Variants in FANCA observed in about 807,000 individuals in gnomAD.
FANCA encodes the protein Fanconi anemia group A protein.
Under a neutral mutation model 194.3 loss-of-function variants are expected in FANCA, and 236 were observed. The observed-to-expected ratio is 1.21, with a 90% CI of 1.09 to 1.35. The LOEUF is 1.35. Ranked by LOEUF, FANCA falls within the 40% of genes most tolerant of loss-of-function variation. The pLI, the probability that FANCA is intolerant of heterozygous loss-of-function variation, is 0.00. For missense variants in FANCA, 2,628 were observed against 1,813.9 expected, an observed-to-expected ratio of 1.45 and a Z score of -8.15; for synonymous variants, 1,014 against 715.8, an observed-to-expected ratio of 1.42 and a Z score of -6.65.
At chr16:89,771,414 G>T (rs941522937) in intron 23 of FANCA, among the ~76,000 whole-genome samples, 1 of 150,878 alleles carries the variant, frequency 6.6e-6, no homozygotes, top group Non-Finnish European at 1.5e-5. Context: ...AGCCATGATT[G>T]CACCACTGCA....
intron 26 of FANCA, among the ~76,000 whole-genome samples, chr16:89,769,066 C>G (rs1479850067): frequency 6.6e-6 from 1 of 152,226 alleles, no homozygotes; most frequent in Non-Finnish European, 1.5e-5. Context: ...CTGACTCCCT[C>G]TCCTTGCTCC....
chr16:89,765,186 G>A (rs1215267006), intron 27 of FANCA, 120 bp from the exon 28 acceptor site: 3 of 1,205,554 alleles, frequency 2.5e-6, no homozygotes, highest in African/African-American at 1.5e-5. Flanking sequence ...CACATTCAGA[G>A]GACCTCAGTC....
chr16:89,768,993 G>C (rs17226666), intron 26 of FANCA, among the ~76,000 whole-genome samples: 2 of 152,112 alleles, frequency 1.3e-5, no homozygotes, highest in African/African-American at 2.4e-5. Flanking sequence ...CTGTATCCCC[G>C]GAGTACCGAG....
intron 1 of FANCA, chr16:89,816,330 G>A (rs2041123132): frequency 7.7e-6 from 2 of 260,254 alleles, no homozygotes; most frequent in East Asian, 1.1e-4. Flanking sequence ...CCCGCGGGCG[G>A]CGGCTGGGGG....
chr16:89,775,883 A>T (rs553669993), intron 20 of FANCA, 68 bp from the exon 21 acceptor site: 2 of 958,570 alleles, frequency 2.1e-6, no homozygotes, highest in African/African-American at 3.3e-5. Flanking sequence ...TACAATCCCC[A>T]AATCTATTAT....
intron 27 of FANCA, 88 bp from the exon 28 acceptor site, chr16:89,765,154 C>T (rs983672861): frequency 1.0e-5 from 15 of 1,432,810 alleles, no homozygotes; most frequent in Non-Finnish European, 1.5e-5. Flanking sequence ...AACAGACCAT[C>T]AACAGCCCAC....
intron 12 of FANCA, 148 bp from the exon 13 acceptor site, chr16:89,792,216 T>A: frequency 9.8e-7 from 1 of 1,021,280 alleles, no homozygotes; most frequent in Non-Finnish European, 1.5e-6. Context: ...GCTCACACCG[T>A]GGCGTCTCTC....
chr16:89,772,379 G>T (rs575430978), intron 22 of FANCA, among the ~76,000 whole-genome samples: 9 of 152,242 alleles, frequency 5.9e-5, no homozygotes, highest in Non-Finnish European at 1.2e-4. Context: ...AGTGAAGACC[G>T]CCAAGGCGCT....
chr16:89,798,448 G>A, intron 10 of FANCA: 3 of 1,089,892 alleles, frequency 2.8e-6, no homozygotes, highest in Non-Finnish European at 3.4e-6. Context: ...TACTGTGAGG[G>A]ATGGGAAATG....
Position 89,785,694 on chromosome 16 carries a change from G to T in FANCA, c.1360-730C>A, listed in dbSNP as rs1021733457. Among the ~76,000 whole-genome samples the T allele has an allele frequency of 2.6e-5, 4 of 152,038 alleles. No individual in the cohort carries two copies. The South Asian group carries it at 6.2e-4, about 24-fold the overall frequency. On this transcript the variant is annotated intron_variant, in intron 14 of 42. Transcript: ENST00000389301. ...TGTGGGCCTCTGTGAACACTGAACC[G>T]CTTACCTGCAAAACCAGACGAGCTC...
intron 3 of FANCA, 123 bp downstream of exon 3, chr16:89,814,397 A>T: frequency 1.4e-6 from 1 of 696,510 alleles, no homozygotes; most frequent in Non-Finnish European, 2.4e-6. Flanking sequence ...ATTTGCGACT[A>T]CACACACCAG....
intron 20 of FANCA, 52 bp from the exon 21 acceptor site, chr16:89,775,867 C>G: frequency 1.7e-6 from 2 of 1,147,464 alleles, no homozygotes; most frequent in Non-Finnish European, 2.6e-6. Flanking sequence ...TAAATTAATT[C>G]AAGATTACAA....
In FANCA at chr16:89,773,393, AGAAG is replaced by A; in HGVS notation, c.1901-13_1901-10del. 1 of 1,540,892 alleles carries A rather than the reference AGAAG, an allele frequency of 6.5e-7. No individual in the cohort carries two copies. The highest frequency in any genetic ancestry group is 8.8e-7 in the Non-Finnish European group (1 of 1,137,476). On this transcript the variant is annotated splice_polypyrimidine_tract_variant and intron_variant, in intron 21 of 42. Transcript: ENST00000389301. ...CACTCCCAGGGCTGCATCTGTGAGA[AGAAG>A]GAAGAAACCAGATGGAAAGACACTC...
At chr16:89,803,194 C>G (rs1011906586) in intron 8 of FANCA, 65 bp downstream of exon 8, 3 of 1,448,610 alleles carry the variant, frequency 2.1e-6, no homozygotes, top group Non-Finnish European at 9.7e-7. Context: ...CACGTAAATA[C>G]ATTTCAACAC....
At chr16:89,744,913 G>A (rs1309579488) in intron 36 of FANCA, 46 bp downstream of exon 36, 8 of 1,557,666 alleles carry the variant, frequency 5.1e-6, no homozygotes, top group Admixed American at 1.7e-5. Flanking sequence ...AGCAGGTCCC[G>A]AAGTGCATCT....
chr16:89,794,029 C>A (rs1046289401), intron 11 of FANCA, among the ~76,000 whole-genome samples: 1 of 152,074 alleles, frequency 6.6e-6, no homozygotes, highest in Middle Eastern at 3.2e-3. Flanking sequence ...GGATTACAGG[C>A]GTGAGCCACT....
intron 26 of FANCA, 123 bp downstream of exon 26, chr16:89,769,714 G>A: frequency 1.8e-6 from 2 of 1,086,882 alleles, no homozygotes; most frequent in Non-Finnish European, 2.7e-6. Context: ...ATACCAAAAT[G>A]CTAAAAAGTG....
At chr16:89,799,366 A>G in intron 9 of FANCA, 134 bp from the exon 10 acceptor site, 1 of 1,063,088 alleles carries the variant, frequency 9.4e-7, no homozygotes, top group East Asian at 2.5e-5. Context: ...AGACTTCTAC[A>G]ATCTGTAGGC....
In FANCA at chr16:89,791,945, C is replaced by A; in HGVS notation, c.1207G>T (p.Ala403Ser). Residue 403 changes from alanine to serine, a missense_variant, in exon 13 of 43, where the codon GCG (alanine) becomes TCG (serine). Physicochemically the swap from Ala to Ser is moderately conservative, Grantham distance 99 (BLOSUM62 1). Transcript: ENST00000389301. ...AGCTCACCTTCAAGCAGCTGCTGCGCTTCTGGAAAGCAGACAACCAGGGCA... is the reference window on the plus strand; with the variant it reads ...AGCTCACCTTCAAGCAGCTGCTGCGATTCTGGAAAGCAGACAACCAGGGCA... ...VSALVVCFPE[A>S]QQLLEDWVAR... is the part of the protein sequence containing the mutation. 1.9e-6 allele frequency: 3 copies of A among 1,614,184 alleles called. No individual in the cohort carries two copies. Among genetic ancestry groups the A allele is most frequent in the Non-Finnish European group, 2.5e-6 (3 of 1,180,024 alleles).
Sources: gnomAD v4.1 joint callset for allele counts (sites outside exome capture counted in the v4.1 genomes callset) on GRCh38, gnomAD v4.1.1 for gene constraint, MANE v1.5 for transcripts, NCBI Gene and HGNC (gene_info 2026-07-23, HGNC 2026-07-21) for gene names.